AUTS2: variants seen among roughly 807,000 people sequenced by gnomAD.
AUTS2 encodes the protein activator of transcription and developmental regulator AUTS2, also known as autism susceptibility gene 2 protein.
A neutral mutation model predicts 112.4 loss-of-function variants in AUTS2; 17 were observed. The ratio of observed to expected loss-of-function variants is 0.15; its 90% CI spans 0.10 to 0.23. The LOEUF (loss-of-function observed/expected upper bound fraction) is 0.23, where lower values mean the gene tolerates loss of function less well. AUTS2 is among the 10% of genes least tolerant of loss of function. AUTS2 has a pLI of 1.00. For missense variants in AUTS2, 1,510 were observed against 1,701.6 expected (o/e 0.89, Z 1.98); for synonymous variants, 751 against 702.7 (o/e 1.07, Z -1.09).
chr7:70,300,663 C>A (rs1309821602), intron 4 of AUTS2, among the ~76,000 whole-genome samples: 12 of 152,114 alleles, frequency 7.9e-5, no homozygotes. Flanking sequence ...AGCGGTGCCA[C>A]CAGTGTCACA....
chr7:69,792,682 T>C (rs1789667425), intron 1 of AUTS2, among the ~76,000 whole-genome samples: 1 of 152,094 alleles, frequency 6.6e-6, no homozygotes, highest in African/African-American at 2.4e-5. Flanking sequence ...TTCCAAAGCT[T>C]TCCTCCCAGA....
chr7:70,495,792 ACC>A (rs1798447595), intron 5 of AUTS2, among the ~76,000 whole-genome samples: 1 of 37,278 alleles, frequency 2.7e-5, no homozygotes. Flanking sequence ...ACACACACAC[ACC>A]CCACACATGC....
At chr7:70,241,997 A>C (rs1812639290) in intron 4 of AUTS2, among the ~76,000 whole-genome samples, 1 of 152,176 alleles carries the variant, frequency 6.6e-6, no homozygotes, top group Non-Finnish European at 1.5e-5. Flanking sequence ...CAACCTGTTC[A>C]GTTTGGATAT....
intron 5 of AUTS2, among the ~76,000 whole-genome samples, chr7:70,508,035 T>C (rs1235731384): frequency 1.3e-5 from 2 of 152,186 alleles, no homozygotes; most frequent in Non-Finnish European, 2.9e-5. Flanking sequence ...AATCACACTC[T>C]CTCCAGCACT....
intron 1 of AUTS2, among the ~76,000 whole-genome samples, chr7:69,603,759 A>G (rs1350183375): frequency 6.6e-6 from 1 of 152,248 alleles, no homozygotes; most frequent in African/African-American, 2.4e-5. Flanking sequence ...TGACAGGATG[A>G]GAGCAAAAAT....
intron 5 of AUTS2, among the ~76,000 whole-genome samples, chr7:70,665,451 C>CTATCTATTTATTTATT (rs1554455008): frequency 2.0e-5 from 3 of 147,120 alleles, no homozygotes; most frequent in African/African-American, 5.1e-5. Context: ...ATCTATTTAT[C>CTATCTATTTATTTATT]TATTTATTTA....
chr7:70,290,379 G>C lies in AUTS2; in HGVS notation c.661-145373G>C, dbSNP rs779574078. The C allele has an allele frequency of 3.3e-5, 50 of 1,503,614 alleles. No individual in the cohort carries two copies. The Middle Eastern group carries it at 1.4e-3, about 41-fold the overall frequency. 93.1% of individuals were successfully genotyped at this position (1,503,614 alleles called of 1,614,324 possible). A position where few individuals can be genotyped will look rare whatever the true frequency, so the allele number is the denominator to read the frequency against. On this transcript the variant is annotated intron_variant, in intron 4 of 18. Coordinates refer to ENST00000342771, the MANE Select transcript of AUTS2 (RefSeq NM_015570.4). Reference sequence around the variant, plus strand: ...TGTTTCCATTTCAGAGATCAGGGAAGATGTGCCTTGGAGAGGAAGCATGTC... The same window carrying C: ...TGTTTCCATTTCAGAGATCAGGGAACATGTGCCTTGGAGAGGAAGCATGTC...
At chr7:70,025,771 A>C (rs1463595537) in intron 2 of AUTS2, among the ~76,000 whole-genome samples, 2 of 123,342 alleles carry the variant, frequency 1.6e-5, no homozygotes, top group Admixed American at 8.1e-5. Flanking sequence ...ACTTTTTTTT[A>C]CTAAGCTTTT....
intron 1 of AUTS2, among the ~76,000 whole-genome samples, chr7:69,876,325 C>CAAAAAA (rs1167965776): frequency 1.1e-4 from 3 of 26,172 alleles, no homozygotes; most frequent in African/African-American, 4.1e-4. Context: ...GACTCTGTCT[C>CAAAAAA]AAAAAAAAAA....
chr7:69,931,109 A>C (rs1037996743), intron 2 of AUTS2, among the ~76,000 whole-genome samples: 89 of 74,946 alleles, frequency 1.2e-3, no homozygotes, highest in African/African-American at 4.6e-3. Flanking sequence ...TGCATTTTGG[A>C]TTTACACACA....
At chr7:70,488,604 C>T (rs1018169483) in intron 5 of AUTS2, among the ~76,000 whole-genome samples, 1 of 152,102 alleles carries the variant, frequency 6.6e-6, no homozygotes, top group Non-Finnish European at 1.5e-5. Context: ...TTCCCAGCAA[C>T]CTGCCGTCCT....
At chr7:70,496,026 C>CCCCA (rs1562994028) in intron 5 of AUTS2, among the ~76,000 whole-genome samples, 1 of 91,236 alleles carries the variant, frequency 1.1e-5, no homozygotes, top group Non-Finnish European at 2.2e-5. Context: ...CACACCCCCC[C>CCCCA]CACACACATG....
intron 5 of AUTS2, among the ~76,000 whole-genome samples, chr7:70,594,656 C>A (rs1041266018): frequency 6.6e-6 from 1 of 152,174 alleles, no homozygotes; most frequent in Non-Finnish European, 1.5e-5. Context: ...TTTTCTCTCT[C>A]CTACTTTGAT....
chr7:70,078,660 T>A (rs952573144), intron 2 of AUTS2, among the ~76,000 whole-genome samples: 13 of 152,160 alleles, frequency 8.5e-5, no homozygotes. Flanking sequence ...GTATAGTAAT[T>A]GAATGTCCTT....
chr7:69,842,908 T>C (rs1388978810), intron 1 of AUTS2, among the ~76,000 whole-genome samples: 1 of 151,982 alleles, frequency 6.6e-6, no homozygotes, highest in Admixed American at 6.6e-5. Flanking sequence ...TTCCGAGAGG[T>C]ATAAAACCTC....
At chr7:70,303,133 C>T (rs2129613850) in intron 4 of AUTS2, among the ~76,000 whole-genome samples, 1 of 152,224 alleles carries the variant, frequency 6.6e-6, no homozygotes, top group Admixed American at 6.5e-5. Context: ...ACATAAGACT[C>T]CCAGAGCAAA....
chr7:69,993,408 A>G (rs1798818155), intron 2 of AUTS2, among the ~76,000 whole-genome samples: 1 of 152,180 alleles, frequency 6.6e-6, no homozygotes, highest in African/African-American at 2.4e-5. Flanking sequence ...CTGTTACCAA[A>G]GAGTGAATAA....
intron 4 of AUTS2, among the ~76,000 whole-genome samples, chr7:70,348,829 A>G (rs935780636): frequency 6.6e-6 from 1 of 152,164 alleles, no homozygotes; most frequent in South Asian, 2.1e-4. Flanking sequence ...AAAAAACAAA[A>G]AAAGAATTCC....
intron 2 of AUTS2, among the ~76,000 whole-genome samples, chr7:69,933,051 G>A (rs1796281956): frequency 6.6e-6 from 1 of 152,148 alleles, no homozygotes; most frequent in African/African-American, 2.4e-5. Context: ...TCTGCACGTT[G>A]GTTACACTGG....
Sources: gnomAD v4.1 joint callset for allele counts (sites outside exome capture counted in the v4.1 genomes callset) on GRCh38, gnomAD v4.1.1 for gene constraint, MANE v1.5 for transcripts, NCBI Gene and HGNC (gene_info 2026-07-23, HGNC 2026-07-21) for gene names.